The following TTN variants were observed in gnomAD, a reference collection of about 807,000 sequenced individuals.
The protein encoded by TTN is titin.
TTN carries 1,525 observed loss-of-function variants against 3,223.0 expected under a neutral mutation model. The ratio of observed to expected loss-of-function variants is 0.47; its 90% confidence interval spans 0.45 to 0.49. TTN has a LOEUF of 0.49. Ranked by LOEUF, TTN falls within the 20% of genes least tolerant of loss-of-function variation. TTN has a pLI of 0.00. For synonymous variants in TTN, 14,094 were observed against 15,161.0 expected (o/e 0.93, Z 5.17); for missense variants, 40,786 against 43,424.0 (o/e 0.94, Z 5.40).
chr2:178,582,454 G>A lies in TTN; in HGVS notation c.66002C>T (p.Pro22001Leu), dbSNP rs777788378. 1 of 1,612,924 alleles carries A rather than the reference G, an allele frequency of 6.2e-7. No individual in the cohort carries two copies. The highest frequency in any genetic ancestry group is 2.2e-5 in the East Asian group (1 of 44,654). ...YIVDKRETSR[P>L]NWAQVSATVP... ...AGTTGCAGAGACTTGAGCCCAGTTGGGCCTGCTTGTTTCACGTTTGTCAAC... is the reference window on the plus strand; with the variant it reads ...AGTTGCAGAGACTTGAGCCCAGTTGAGCCTGCTTGTTTCACGTTTGTCAAC... The change falls in exon 314 of 363, where the codon CCC becomes CTC. Residue 22001 changes from proline to leucine, a missense_variant. Transcript: ENST00000589042.
At chr2:178,555,743 G>T (rs151072474) in intron 330 of TTN, 2 of 152,416 alleles carry the variant, frequency 1.3e-5, no homozygotes, top group Non-Finnish European at 2.9e-5. Flanking sequence ...GAACAGCCCT[G>T]AGATTCTCAG....
chr2:178,646,308 C>T (rs1460230727), intron 216 of TTN, among the ~76,000 whole-genome samples, 177 bp downstream of exon 216: 1 of 150,904 alleles, frequency 6.6e-6, no homozygotes, highest in Non-Finnish European at 1.5e-5. Flanking sequence ...CCACAGTTGA[C>T]ATGAGAGAAA....
rs1014690727 is a variant in TTN at position 178,586,544 on chromosome 2, T to C, written c.64357A>G (p.Arg21453Gly). The C allele has an allele frequency of 4.3e-6, 7 of 1,613,132 alleles. No homozygotes were observed. In the African/African-American group the frequency reaches 5.3e-5, roughly 12 times the overall value. ...ARNAVGVSLP[R>G]EAEGVYEAKE... Reference sequence around the variant, plus strand: ...GCTTCATACACTCCTTCAGCTTCTCTTGGCAAACTGACTCCAACAGCATTT... The same window carrying C: ...GCTTCATACACTCCTTCAGCTTCTCCTGGCAAACTGACTCCAACAGCATTT... Residue 21453 changes from arginine (R) to glycine (G), a missense_variant, in exon 308 of 363, where the codon AGA becomes GGA. By Grantham distance (125) the Arg-to-Gly change is moderately radical (BLOSUM62 -2). Coordinates refer to ENST00000589042, the MANE Select transcript of TTN (RefSeq NM_001267550.2).
At position 178,542,787 on chromosome 2, in the gene TTN, T is replaced by G. The variant is rs368184712; in HGVS notation, c.97067A>C (p.Glu32356Ala). The G allele has an allele frequency of 1.4e-5, 23 of 1,613,664 alleles. No homozygotes were observed. Among genetic ancestry groups the G allele is most frequent in the Non-Finnish European group, 1.8e-5 (21 of 1,179,782 alleles). ...TAATTTAGCTACTTTAGTGTGAGTT[T>G]CAACTGTGACACGCTCTGATTCTCT... ...KLRESERVTVETHTKVAKLTI... is the reference protein window; with the variant it reads ...KLRESERVTVATHTKVAKLTI... Residue 32356 changes from glutamate (E) to alanine (A), a missense_variant, in exon 348 of 363, where the codon GAA becomes GCA. Transcript: ENST00000589042.
Position 178,719,673 on chromosome 2 carries a change from A to T in TTN, c.23819T>A (p.Ile7940Asn). 6.2e-7 allele frequency: 1 copy of T among 1,613,654 alleles called. No individual in the cohort carries two copies. The highest frequency in any genetic ancestry group is 1.3e-5 in the African/African-American group (1 of 74,996). Residue 7940 changes from isoleucine to asparagine, a missense_variant, in exon 82 of 363, where the codon ATC becomes AAC. By Grantham distance (149) the Ile-to-Asn change is moderately radical. Transcript: ENST00000589042. ...GATTTTAAGGGAAGCCACTTTATTGATGAATGTAATGTGATGTTTGCTGTC... is the reference window on the plus strand; with the variant it reads ...GATTTTAAGGGAAGCCACTTTATTGTTGAATGTAATGTGATGTTTGCTGTC... ...SADSKHHITF[I>N]NKVASLKIPC...
chr2:178,678,524 T>A, intron 143 of TTN, 27 bp from the exon 144 acceptor site: 1 of 1,510,102 alleles, frequency 6.6e-7, no homozygotes, highest in Non-Finnish European at 8.9e-7. Flanking sequence ...TAGAGAAAAA[T>A]TTTATACGAC....
intron 239 of TTN, 47 bp downstream of exon 239, chr2:178,630,194 C>A: frequency 6.2e-7 from 1 of 1,608,182 alleles, no homozygotes; most frequent in Non-Finnish European, 8.5e-7. Context: ...CATTCATTTT[C>A]TGAAAAAGTG....
chr2:178,667,149 G>A, intron 162 of TTN, 87 bp downstream of exon 162: 2 of 1,178,958 alleles, frequency 1.7e-6, no homozygotes, highest in South Asian at 1.5e-5. Context: ...ATTAGAGGTT[G>A]TGAGAATGTA....
intron 133 of TTN, among the ~76,000 whole-genome samples, chr2:178,683,694 C>G (rs781417143): frequency 1.3e-5 from 2 of 151,912 alleles, no homozygotes; most frequent in Non-Finnish European, 2.9e-5. Context: ...AAAATTTCAT[C>G]AGAGATTGCC....
rs397517505 is a variant in TTN, at chr2:178,718,988, G to A, written c.24227-15C>T. On this transcript the variant is annotated splice_polypyrimidine_tract_variant and intron_variant, in intron 83 of 362. Transcript: ENST00000589042. ...AGATGGTGGTTCTAGATATTGCAAG[G>A]CGGAAGGGGAGATAAAGAGAAGAAA... The A allele has an allele frequency of 1.1e-3, 1,760 of 1,570,448 alleles. 45 individuals carry two copies. The South Asian group carries it at 0.018, about 16-fold the overall frequency.
Position 178,531,912 on chromosome 2 carries a change from C to A in TTN, c.104703G>T (p.Arg34901Ser). Residue 34901 changes from arginine (R) to serine (S), a missense_variant, in exon 358 of 363, where the codon AGG becomes AGT. By Grantham distance (110) the Arg-to-Ser change is moderately radical (BLOSUM62 -1). Coordinates refer to ENST00000589042, the MANE Select transcript of TTN (RefSeq NM_001267550.2). ...TGGAAAAGATATCAAATCTTGCAGA[C>A]CTCTCAAATCTCGAGAGTGATCTCT... The part of the protein sequence containing the change: ...SSERSLSRFE[R>S]SARFDIFSRY... 6.2e-7 allele frequency: 1 copy of A among 1,612,752 alleles called. No homozygotes were observed. Among genetic ancestry groups the A allele is most frequent in the Non-Finnish European group, 8.5e-7 (1 of 1,179,240 alleles).
At position 178,721,345 on chromosome 2, in the gene TTN, ATAAGT is replaced by A. The variant is rs1359074453; in HGVS notation, c.22817-148_22817-144del. On this transcript the variant is annotated intron_variant, in intron 78 of 362. Coordinates refer to ENST00000589042, the MANE Select transcript of TTN (RefSeq NM_001267550.2). ...TACTTTCTGAGGATTTTACAGTAAA[ATAAGT>A]TATCTTTTAAGTTAAATAATCTCAT... 4.2e-6 allele frequency: 3 copies of A among 713,136 alleles called. No homozygotes were observed. In the African/African-American group the frequency reaches 5.5e-5, roughly 13 times the overall value. 44.2% of individuals were successfully genotyped at this position (713,136 alleles called of 1,614,324 possible).
chr2:178,562,289 C>G lies in TTN; in HGVS notation c.83843G>C (p.Arg27948Thr). 6.2e-7 allele frequency: 1 copy of G among 1,613,426 alleles called. No individual in the cohort carries two copies. The highest frequency in any genetic ancestry group is 8.5e-7 in the Non-Finnish European group (1 of 1,179,664). ...TGCAATTACTGGCACTCCAAGTTGTCTTGGATCACTTCTTCCCTTTTCGTT... is the reference window on the plus strand; with the variant it reads ...TGCAATTACTGGCACTCCAAGTTGTGTTGGATCACTTCTTCCCTTTTCGTT... ...AVNEKGRSDP[R>T]QLGVPVIARD... The change falls in exon 326 of 363, where the codon AGA becomes ACA. Residue 27948 changes from arginine to threonine, a missense_variant. By Grantham distance (71) the Arg-to-Thr change is moderately conservative (BLOSUM62 -1). Transcript: ENST00000589042.
chr2:178,630,290 C>T lies in TTN; in HGVS notation c.44232G>A (p.Val14744=), dbSNP rs1179961916. The change falls in exon 239 of 363, where the codon GTG becomes GTA. Residue 14744 remains valine, a synonymous_variant. Coordinates refer to ENST00000589042, the MANE Select transcript of TTN (RefSeq NM_001267550.2). The part of the protein sequence containing the change: ...HNCRLDQTGG[V]DFQAANVKSS... The stretch of plus-strand genomic sequence containing the variant: ...ATTTAACATTGGCAGCTTGGAAATC[C>T]ACCCCACCCGTCTGGTCCAGGCGAC... 3.7e-6 allele frequency: 6 copies of T among 1,612,972 alleles called. No homozygotes were observed. The African/African-American group carries it at 8.0e-5, about 22-fold the overall frequency.
Position 178,717,235 on chromosome 2 carries a change from C to T in TTN, c.25499G>A (p.Gly8500Asp). ...TTCTACCAAAGTCATCTTGTAGTTG[C>T]CTCCAGGGCGAATCTCTCGGTTATC... ...AKDNREIRPG[G>D]NYKMTLVENT... Residue 8500 changes from glycine (G) to aspartate (D), a missense_variant, in exon 88 of 363, where the codon GGC (glycine) becomes GAC (aspartate). Gly to Asp is a moderately conservative substitution (Grantham distance 94). Transcript: ENST00000589042. 2 of 1,613,638 alleles carry T rather than the reference C, an allele frequency of 1.2e-6. No homozygotes were observed. The highest frequency in any genetic ancestry group is 8.5e-7 in the Non-Finnish European group (1 of 1,179,658).
At position 178,725,510 on chromosome 2, in the gene TTN, A is replaced by T; in HGVS notation, c.20694T>A (p.Ser6898Arg). Reference sequence around the variant, plus strand: ...CCACAAATGTAATCCTGATGTTTTCACTTTCTCTAATCACTTCTTCCTTCT... The same window carrying T: ...CCACAAATGTAATCCTGATGTTTTCTCTTTCTCTAATCACTTCTTCCTTCT... Reference protein sequence around the residue: ...LKEKEEVIRESENIRITFVEN... With the variant: ...LKEKEEVIRERENIRITFVEN... Residue 6898 changes from serine to arginine, a missense_variant, in exon 71 of 363, where the codon AGT becomes AGA. By Grantham distance (110) the Ser-to-Arg change is moderately radical (BLOSUM62 -1). Transcript: ENST00000589042. The T allele has an allele frequency of 6.2e-7, 1 of 1,613,358 alleles. No individual in the cohort carries two copies. The highest frequency in any genetic ancestry group is 8.5e-7 in the Non-Finnish European group (1 of 1,179,514).
In TTN at chr2:178,618,612, T is replaced by G; in HGVS notation, c.46938A>C (p.Ala15646=). Residue 15646 remains alanine, a synonymous_variant, in exon 251 of 363, where the codon GCA becomes GCC. Coordinates refer to ENST00000589042, the MANE Select transcript of TTN (RefSeq NM_001267550.2). ...TAACTTTTAAATTGATGAATCCTTCTGCTTTTCCATGTTTGTTCTGAAGCA... is the reference window on the plus strand; with the variant it reads ...TAACTTTTAAATTGATGAATCCTTCGGCTTTTCCATGTTTGTTCTGAAGCA... ...KIVLQNKHGK[A]EGFINLKVID... 1 of 1,612,230 alleles carries G rather than the reference T, an allele frequency of 6.2e-7. No individual in the cohort carries two copies. Among genetic ancestry groups the G allele is most frequent in the Non-Finnish European group, 8.5e-7 (1 of 1,179,038 alleles).
rs2062897535 is a variant in TTN, at chr2:178,651,247, T to C, written c.39621A>G (p.Ala13207=). Residue 13207 remains alanine (A), a synonymous_variant, in exon 208 of 363, where the codon GCA becomes GCG. Coordinates refer to ENST00000589042, the MANE Select transcript of TTN (RefSeq NM_001267550.2). ...AVPKKPEVPP[A]KVPEVPKKPV... is the part of the protein sequence containing the mutation. ...AATCTCATTAGTGACATGTACCTTTTGCTGGTGGGACTTCTGGCTTTTTGG... is the reference window on the plus strand; with the variant it reads ...AATCTCATTAGTGACATGTACCTTTCGCTGGTGGGACTTCTGGCTTTTTGG... 3 of 1,612,996 alleles carry C rather than the reference T, an allele frequency of 1.9e-6. No individual in the cohort carries two copies. The highest frequency in any genetic ancestry group is 2.5e-6 in the Non-Finnish European group (3 of 1,179,296).
At chr2:178,752,099 A>G in intron 47 of TTN, 2 of 1,474,742 alleles carry the variant, frequency 1.4e-6, no homozygotes, top group Non-Finnish European at 1.8e-6. Context: ...GTTGAAAGTA[A>G]ATAAAATTGC....
Sources: gnomAD v4.1 joint callset for allele counts (sites outside exome capture counted in the v4.1 genomes callset) on GRCh38, gnomAD v4.1.1 for gene constraint, MANE v1.5 for transcripts, NCBI Gene and HGNC (gene_info 2026-07-23, HGNC 2026-07-21) for gene names.